The following DMD variants were observed in gnomAD, a reference collection of about 807,000 sequenced individuals.
The protein encoded by DMD is dystrophin.
A neutral mutation model predicts 330.1 loss-of-function variants in DMD; 63 were observed. The observed-to-expected ratio is 0.19, with a 90% CI of 0.16 to 0.24. DMD has a LOEUF of 0.24. DMD is among the 10% of genes least tolerant of loss of function. DMD has a pLI of 1.00. For synonymous variants in DMD, 1,223 were observed against 959.8 expected, an observed-to-expected ratio of 1.27 and a Z score of -5.07; for missense variants, 3,344 against 2,684.1, an observed-to-expected ratio of 1.25 and a Z score of -5.43.
chrX:31,474,752 T>TA (rs10551962), intron 59 of DMD, among the ~76,000 whole-genome samples: 2 of 100,277 alleles, frequency 2.0e-5, no homozygotes, highest in Non-Finnish European at 3.9e-5. Context: ...TAAAATAAAA[T>TA]AAAAAAAGAG....
intron 1 of DMD, among the ~76,000 whole-genome samples, chrX:33,318,143 T>C (rs1357959573): frequency 9.0e-6 from 1 of 111,112 alleles, no homozygotes; most frequent in African/African-American, 3.3e-5. Context: ...CCTAAAAACT[T>C]ATCATTTTTT....
At chrX:31,468,128 A>T (rs2066996578) in intron 59 of DMD, among the ~76,000 whole-genome samples, 1 of 111,401 alleles carries the variant, frequency 9.0e-6, no homozygotes, top group South Asian at 3.8e-4. Flanking sequence ...CCCTGGCTTC[A>T]TTGATTTTTT....
At position 33,103,876 on chromosome X, in the gene DMD, C is replaced by A. The variant is rs1380602117; in HGVS notation, c.32-83676G>T. ...CTTTGTAACTCATGCACATTAAAAG[C>A]AATCCCAAATAAAAATAATGATAAA... On this transcript the variant is annotated intron_variant, in intron 1 of 78. Transcript: ENST00000357033. Among the ~76,000 whole-genome samples, 5 of 111,766 alleles carry A rather than the reference C, an allele frequency of 4.5e-5. No homozygotes were observed. The East Asian group carries it at 1.4e-3, about 31-fold the overall frequency.
intron 16 of DMD, among the ~76,000 whole-genome samples, chrX:32,559,973 G>A (rs777358284): frequency 6.3e-5 from 7 of 110,978 alleles, no homozygotes; most frequent in Admixed American, 2.9e-4. Context: ...TGTACAAGAA[G>A]AGGCAAATTC....
intron 47 of DMD, among the ~76,000 whole-genome samples, chrX:31,885,147 T>C (rs1397376421): frequency 9.0e-6 from 1 of 111,235 alleles, no homozygotes; most frequent in Non-Finnish European, 1.9e-5. Context: ...CATAACATTT[T>C]CTAAAATTAT....
intron 55 of DMD, among the ~76,000 whole-genome samples, chrX:31,521,138 C>T (rs770848782): frequency 1.8e-5 from 2 of 108,313 alleles, no homozygotes; most frequent in South Asian, 7.9e-4. Context: ...GATTATTTTA[C>T]AAGAATTTTT....
chrX:31,483,196 G>A (rs185117558), intron 57 of DMD, among the ~76,000 whole-genome samples: 1,107 of 108,136 alleles, frequency 0.01, 10 homozygotes, highest in African/African-American at 0.035. Context: ...ACAGGCGCCC[G>A]CCACCACGCC....
intron 7 of DMD, among the ~76,000 whole-genome samples, chrX:32,763,190 T>A (rs2072542233): frequency 8.9e-6 from 1 of 112,004 alleles, no homozygotes; most frequent in African/African-American, 3.2e-5. Flanking sequence ...TCTATAATGA[T>A]CATGCTAATT....
intron 37 of DMD, among the ~76,000 whole-genome samples, chrX:32,355,998 T>G (rs191582324): frequency 2.7e-5 from 3 of 110,601 alleles, no homozygotes; most frequent in Admixed American, 1.9e-4. Flanking sequence ...ATCATAGGTG[T>G]TAAGTTATAA....
intron 44 of DMD, among the ~76,000 whole-genome samples, chrX:32,029,023 G>A (rs2095865812): frequency 9.0e-6 from 1 of 110,832 alleles, no homozygotes; most frequent in African/African-American, 3.3e-5. Flanking sequence ...TGAAGCCCAG[G>A]AATTGCCTTA....
chrX:32,357,660 T>TACACAAAC (rs2097808524), intron 37 of DMD, among the ~76,000 whole-genome samples: 1 of 94,844 alleles, frequency 1.1e-5, no homozygotes, highest in African/African-American at 3.9e-5. Flanking sequence ...CATACACAGA[T>TACACAAAC]ACACACACAC....
At chrX:32,258,559 A>G (rs1392597837) in intron 43 of DMD, among the ~76,000 whole-genome samples, 2 of 110,927 alleles carry the variant, frequency 1.8e-5, no homozygotes, top group African/African-American at 6.6e-5. Context: ...AAACTAACAC[A>G]GGAACAGAAA....
chrX:32,421,122 T>C (rs1261560111), intron 29 of DMD, among the ~76,000 whole-genome samples: 1 of 112,249 alleles, frequency 8.9e-6, no homozygotes, highest in Non-Finnish European at 1.9e-5. Flanking sequence ...AGATTAACAA[T>C]ATTTATTTAT....
intron 44 of DMD, among the ~76,000 whole-genome samples, chrX:32,135,602 A>T (rs1226981354): frequency 8.9e-6 from 1 of 111,761 alleles, no homozygotes; most frequent in Non-Finnish European, 1.9e-5. Context: ...GTGCGCCAGT[A>T]GCCTCAGCTA....
chrX:32,359,954 T>G (rs1460750708), intron 37 of DMD, among the ~76,000 whole-genome samples: 1 of 111,037 alleles, frequency 9.0e-6, no homozygotes, highest in Non-Finnish European at 1.9e-5. Flanking sequence ...TTTTAAAAAT[T>G]GTTAGTCTAT....
intron 8 of DMD, 28 bp from the exon 9 acceptor site, chrX:32,698,026 T>C (rs1476629919): frequency 8.6e-7 from 1 of 1,167,404 alleles, no homozygotes; most frequent in Non-Finnish European, 1.1e-6. Flanking sequence ...GGGGAGTGGA[T>C]AGAGAGGAGG....
chrX:32,344,234 T>G (rs1045273656), intron 39 of DMD, among the ~76,000 whole-genome samples: 12 of 111,892 alleles, frequency 1.1e-4, no homozygotes, highest in African/African-American at 3.2e-4. Flanking sequence ...CAGGTTTAAT[T>G]CGAGCGAAAA....
At chrX:32,934,724 T>C (rs761363957) in intron 2 of DMD, among the ~76,000 whole-genome samples, 56 of 111,638 alleles carry the variant, frequency 5.0e-4, no homozygotes, top group Non-Finnish European at 2.4e-4. Flanking sequence ...TAGCAACAAC[T>C]CACACCTGAA....
At chrX:32,826,214 A>G (rs1317737618) in intron 4 of DMD, among the ~76,000 whole-genome samples, 1 of 112,002 alleles carries the variant, frequency 8.9e-6, no homozygotes, top group Non-Finnish European at 1.9e-5. Context: ...TGTGGAGAAA[A>G]AGGAATCTTT....
Sources: gnomAD v4.1 joint callset for allele counts (sites outside exome capture counted in the v4.1 genomes callset) on GRCh38, gnomAD v4.1.1 for gene constraint, MANE v1.5 for transcripts, NCBI Gene and HGNC (gene_info 2026-07-23, HGNC 2026-07-21) for gene names.